Variants in BNIPL observed in about 807,000 individuals in gnomAD.
The protein encoded by BNIPL is BCL2 interacting protein like, also known as bcl-2/adenovirus E1B 19 kDa-interacting protein 2-like protein.
Under a neutral mutation model 47.0 loss-of-function variants are expected in BNIPL, and 33 were observed. That is an observed-to-expected ratio of 0.70 (90% CI 0.53 to 0.94). BNIPL has a LOEUF of 0.94. BNIPL is among the 40% of genes least tolerant of loss of function. The pLI is 0.00. For synonymous variants in BNIPL, 145 were observed against 162.7 expected, an observed-to-expected ratio of 0.89 and a Z score of 0.83; for missense variants, 404 against 445.2, an observed-to-expected ratio of 0.91 and a Z score of 0.83.
Position 151,038,386 on chromosome 1 carries a change from A to T in BNIPL, c.138-118A>T, listed in dbSNP as rs587712090. 1.8e-4 allele frequency: 101 copies of T among 554,282 alleles called. 1 individual carries two copies. Among genetic ancestry groups the T allele is most frequent in the African/African-American group, 1.8e-3 (90 of 49,544 alleles). The allele number at this position is 554,282 out of a possible 1,614,324, so 34.3% of individuals were successfully genotyped here. A position where few individuals can be genotyped will look rare whatever the true frequency, so the allele number is the denominator to read the frequency against. ...GAGACCCTGTCTCAAAAAAACAATT[A>T]AAAAAAAAAGCAGCATAGGTGATAA... On this transcript the variant is annotated intron_variant, in intron 2 of 9. Coordinates refer to ENST00000368931, the MANE Select transcript of BNIPL (RefSeq NM_138278.4).
At chr1:151,044,802 TC>T (rs1675948439) in intron 7 of BNIPL, 4 of 1,268,240 alleles carry the variant, frequency 3.2e-6, no homozygotes, top group Non-Finnish European at 2.0e-6. Flanking sequence ...CCCTTTTGGT[TC>T]CCCCATCTCC....
intron 1 of BNIPL, 34 bp from the exon 2 acceptor site, chr1:151,037,533 T>C: frequency 6.4e-7 from 1 of 1,571,858 alleles, no homozygotes; most frequent in Non-Finnish European, 8.6e-7. Context: ...ACTATTCAGT[T>C]CCCTTGATCT....
chr1:151,038,937 C>T lies in BNIPL; in HGVS notation c.344C>T (p.Pro115Leu). The T allele has an allele frequency of 1.9e-6, 3 of 1,614,030 alleles. No individual in the cohort carries two copies. Among genetic ancestry groups the T allele is most frequent in the Non-Finnish European group, 2.5e-6 (3 of 1,179,962 alleles). ...CCCACCCAGTCTGCACCTTCCTCTC[C>T]TGATGGCAGTTCTGACCTGGAGATA... ...ASPTQSAPSSPDGSSDLEIDE... is the reference protein window; with the variant it reads ...ASPTQSAPSSLDGSSDLEIDE... Residue 115 changes from proline (P) to leucine (L), a missense_variant, in exon 4 of 10, where the codon CCT (proline) becomes CTT (leucine). Physicochemically the swap from Pro to Leu is moderately conservative, Grantham distance 98 (BLOSUM62 -3). Transcript: ENST00000368931.
At position 151,046,777 on chromosome 1, in the gene BNIPL, T is replaced by TTTTTAATG; in HGVS notation, c.*90_*91insTTTTAATG. On this transcript the variant is annotated 3_prime_UTR_variant, in exon 10 of 10. Coordinates refer to ENST00000368931, the MANE Select transcript of BNIPL (RefSeq NM_138278.4). ...ATCTGAACTGTTTTGTAAATCATCT[T>TTTTTAATG]ATCCCCAACCTCAGTACCACCGGAT... 1 of 1,138,518 alleles carries TTTTTAATG rather than the reference T, an allele frequency of 8.8e-7. No individual in the cohort carries two copies. The highest frequency in any genetic ancestry group is 1.3e-6 in the Non-Finnish European group (1 of 781,436). 70.5% of individuals were successfully genotyped at this position (1,138,518 alleles called of 1,614,324 possible).
intron 4 of BNIPL, among the ~76,000 whole-genome samples, chr1:151,041,709 C>T (rs1675828629): frequency 1.3e-5 from 2 of 152,186 alleles, no homozygotes; most frequent in Admixed American, 1.3e-4. Flanking sequence ...CACGGTGGCT[C>T]ATGCCTGTAA....
At chr1:151,045,603 A>G in intron 7 of BNIPL, 194 bp from the exon 8 acceptor site, 2 of 666,324 alleles carry the variant, frequency 3.0e-6, no homozygotes, top group Non-Finnish European at 4.4e-6. Flanking sequence ...TTTAAAAATG[A>G]GGATCATGGA....
In BNIPL at chr1:151,038,938, T is replaced by C; in HGVS notation, c.345T>C (p.Pro115=). The C allele has an allele frequency of 2.5e-6, 4 of 1,613,952 alleles. No individual in the cohort carries two copies. The highest frequency in any genetic ancestry group is 3.4e-6 in the Non-Finnish European group (4 of 1,179,920). The change falls in exon 4 of 10, where the codon CCT becomes CCC. Residue 115 remains proline (P), a synonymous_variant. Transcript: ENST00000368931. ...CCACCCAGTCTGCACCTTCCTCTCC[T>C]GATGGCAGTTCTGACCTGGAGATAG... ...ASPTQSAPSS[P]DGSSDLEIDE... is the part of the protein sequence containing the mutation.
At chr1:151,040,420 A>G (rs188743822) in intron 4 of BNIPL, among the ~76,000 whole-genome samples, 3 of 152,098 alleles carry the variant, frequency 2.0e-5, no homozygotes, top group Non-Finnish European at 2.9e-5. Flanking sequence ...GCCTCAAGCA[A>G]TCCTCCTGCC....
At chr1:151,040,811 A>AG (rs1487213959) in intron 4 of BNIPL, among the ~76,000 whole-genome samples, 5 of 147,166 alleles carry the variant, frequency 3.4e-5, no homozygotes, top group East Asian at 2.0e-4. Flanking sequence ...AAAAAAAAAA[A>AG]AAGAAGAAGC....
intron 4 of BNIPL, among the ~76,000 whole-genome samples, chr1:151,040,325 C>T (rs1391410868): frequency 6.6e-6 from 1 of 151,260 alleles, no homozygotes; most frequent in Non-Finnish European, 1.5e-5. Flanking sequence ...GACTATAGGC[C>T]CACGCCACCA....
chr1:151,044,440 C>T (rs1675936217), intron 7 of BNIPL, among the ~76,000 whole-genome samples: 3 of 152,216 alleles, frequency 2.0e-5, no homozygotes, highest in African/African-American at 7.2e-5. Flanking sequence ...CCTCCATTAT[C>T]TTCTTCTCTG....
chr1:151,042,489 T>C (rs1273430109), intron 4 of BNIPL, among the ~76,000 whole-genome samples: 1 of 152,022 alleles, frequency 6.6e-6, no homozygotes, highest in Non-Finnish European at 1.5e-5. Flanking sequence ...ACTCTAGGCA[T>C]TTAGGGATAC....
At position 151,038,544 on chromosome 1, in the gene BNIPL, G is replaced by A. The variant is rs1282942776; in HGVS notation, c.178G>A (p.Asp60Asn). Residue 60 changes from aspartate (D) to asparagine (N), a missense_variant, in exon 3 of 10, where the codon GAC (aspartate) becomes AAC (asparagine). Transcript: ENST00000368931. Reference sequence around the variant, plus strand: ...GGCTGGCACTTCTGAAGATCCTGAAGACCCTAAAGGAGATTCACAGGCAGG... The same window carrying A: ...GGCTGGCACTTCTGAAGATCCTGAAAACCCTAAAGGAGATTCACAGGCAGG... Reference protein sequence around the residue: ...EEAGTSEDPEDPKGDSQAAAG... With the variant: ...EEAGTSEDPENPKGDSQAAAG... The A allele has an allele frequency of 6.2e-7, 1 of 1,613,760 alleles. No individual in the cohort carries two copies.
intron 7 of BNIPL, chr1:151,045,138 T>G (rs1675964074): frequency 3.8e-6 from 1 of 265,408 alleles, no homozygotes; most frequent in Non-Finnish European, 6.8e-6. Context: ...CATGGTGGCA[T>G]GTGCCTATAA....
Position 151,045,637 on chromosome 1 carries a change from T to C in BNIPL, c.852-160T>C. 5 of 1,295,582 alleles carry C rather than the reference T, an allele frequency of 3.9e-6. No homozygotes were observed. The South Asian group carries it at 8.2e-5, about 21-fold the overall frequency. The allele number at this position is 1,295,582 out of a possible 1,614,324, so 80.3% of individuals were successfully genotyped here. On this transcript the variant is annotated intron_variant, in intron 7 of 9. Transcript: ENST00000368931. ...GAGGGCTAAATAAGATGGGTGGAGCTGAGATTACAGCTGACGGAATGGGGA... is the reference window on the plus strand; with the variant it reads ...GAGGGCTAAATAAGATGGGTGGAGCCGAGATTACAGCTGACGGAATGGGGA...
intron 7 of BNIPL, chr1:151,044,998 C>G (rs1675956797): frequency 7.9e-7 from 1 of 1,260,134 alleles, no homozygotes; most frequent in East Asian, 5.7e-5. Context: ...GGCGCGGTGG[C>G]TCACGTCTGT....
chr1:151,043,151 A>AT lies in BNIPL; in HGVS notation c.616+14dup. 2 of 1,607,110 alleles carry AT rather than the reference A, an allele frequency of 1.2e-6. No individual in the cohort carries two copies. Among genetic ancestry groups the AT allele is most frequent in the Non-Finnish European group, 1.7e-6 (2 of 1,173,894 alleles). On this transcript the variant is annotated intron_variant, in intron 5 of 9. Coordinates refer to ENST00000368931, the MANE Select transcript of BNIPL (RefSeq NM_138278.4). ...CTGTCTCATGGAGGTAATGGCTAGC[A>AT]TAATGCAGGTGTTAAGAGCTATGGC... is the stretch of plus-strand genomic sequence containing the variant.
chr1:151,039,744 A>G (rs1675754477), intron 4 of BNIPL, among the ~76,000 whole-genome samples: 1 of 152,064 alleles, frequency 6.6e-6, no homozygotes, highest in Non-Finnish European at 1.5e-5. Context: ...GGGAGTCATG[A>G]TAAGTTTTTT....
At chr1:151,043,778 C>T in intron 7 of BNIPL, 51 bp downstream of exon 7, 1 of 1,529,876 alleles carries the variant, frequency 6.5e-7, no homozygotes, top group East Asian at 2.3e-5. Flanking sequence ...CTTTTTTTCC[C>T]CATCTTTCTA....
Sources: allele counts gnomAD v4.1 joint callset (sites outside exome capture counted in the v4.1 genomes callset), GRCh38; gene constraint gnomAD v4.1.1; transcripts MANE v1.5; gene names NCBI Gene and HGNC (gene_info 2026-07-23, HGNC 2026-07-21).